Variants in KCND2 observed in about 807,000 individuals in gnomAD.
The protein encoded by KCND2 is A-type voltage-gated potassium channel KCND2.
KCND2 carries 16 observed loss-of-function variants against 54.4 expected under a neutral mutation model. That is an observed-to-expected ratio of 0.29 (90% CI 0.20 to 0.45). The LOEUF (loss-of-function observed/expected upper bound fraction) is 0.45. Among genes scored for constraint, KCND2 ranks in the 20% least tolerant of loss-of-function variants. KCND2 has a pLI of 1.00. For missense variants in KCND2, 486 were observed against 824.2 expected, an observed-to-expected ratio of 0.59 and a Z score of 5.02; for synonymous variants, 317 against 310.7, an observed-to-expected ratio of 1.02 and a Z score of -0.21.
At chr7:120,630,202 A>G (rs1793216129) in intron 1 of KCND2, among the ~76,000 whole-genome samples, 1 of 152,204 alleles carries the variant, frequency 6.6e-6, no homozygotes, top group Admixed American at 6.5e-5. Flanking sequence ...TGCACCAGAC[A>G]CAAACAGTAG....
At chr7:120,584,724 C>G (rs1249391970) in intron 1 of KCND2, among the ~76,000 whole-genome samples, 1 of 152,250 alleles carries the variant, frequency 6.6e-6, no homozygotes, top group Non-Finnish European at 1.5e-5. Context: ...TGACATTCTG[C>G]AGACTGTGCA....
intron 1 of KCND2, among the ~76,000 whole-genome samples, chr7:120,459,947 A>G (rs1323529150): frequency 2.0e-5 from 3 of 152,336 alleles, no homozygotes; most frequent in Middle Eastern, 3.4e-3. Flanking sequence ...GAAAGCTGAG[A>G]GTGCATCTTG....
chr7:120,366,800 A>T, intron 1 of KCND2, among the ~76,000 whole-genome samples: 1 of 152,120 alleles, frequency 6.6e-6, no homozygotes, highest in East Asian at 1.9e-4. Context: ...TTATTTCTAA[A>T]ATCCGAATCT....
intron 1 of KCND2, among the ~76,000 whole-genome samples, chr7:120,352,045 C>T (rs1284500104): frequency 1.3e-5 from 2 of 152,096 alleles, no homozygotes; most frequent in Non-Finnish European, 2.9e-5. Flanking sequence ...CTCTTGACCT[C>T]GTGCTCCTCA....
chr7:120,420,381 T>G (rs1325072298), intron 1 of KCND2, among the ~76,000 whole-genome samples: 1 of 152,164 alleles, frequency 6.6e-6, no homozygotes, highest in Non-Finnish European at 1.5e-5. Context: ...GAGCAGTGCC[T>G]GGTAGGGTGG....
At chr7:120,603,238 A>C (rs899057345) in intron 1 of KCND2, among the ~76,000 whole-genome samples, 14 of 152,230 alleles carry the variant, frequency 9.2e-5, no homozygotes, top group African/African-American at 3.1e-4. Flanking sequence ...TATAGTAGTA[A>C]TAAATGTGGA....
chr7:120,460,459 A>C (rs146953013), intron 1 of KCND2, among the ~76,000 whole-genome samples: 18 of 151,938 alleles, frequency 1.2e-4, no homozygotes, highest in African/African-American at 4.1e-4. Context: ...CTCTTCAAGC[A>C]TCAGGTCTTC....
rs180803846 is a variant in KCND2, at chr7:120,561,518, T to C, written c.1116-171385T>C. ...AACAGATTCAGAAAGGTTGAAAAAC[T>C]TGCCCAAAGTTACAAGGCTGGGCTA... On this transcript the variant is annotated intron_variant, in intron 1 of 5. Transcript: ENST00000331113. Among the ~76,000 whole-genome samples, 240 of 151,224 alleles carry C rather than the reference T, an allele frequency of 1.6e-3. 1 individual carries two copies. The highest frequency in any genetic ancestry group is 3.7e-3 in the Admixed American group (56 of 15,158).
At chr7:120,672,319 A>C (rs1792002416) in intron 1 of KCND2, among the ~76,000 whole-genome samples, 2 of 151,898 alleles carry the variant, frequency 1.3e-5, no homozygotes, top group South Asian at 4.2e-4. Flanking sequence ...CTAAAATTCT[A>C]CTCCAAAAAC....
intron 1 of KCND2, among the ~76,000 whole-genome samples, chr7:120,662,720 T>C (rs1006431329): frequency 1.3e-4 from 20 of 152,206 alleles, no homozygotes; most frequent in Non-Finnish European, 2.6e-4. Context: ...AAAATGTGGC[T>C]TAGGCACCAA....
chr7:120,382,235 A>G (rs1800926002), intron 1 of KCND2, among the ~76,000 whole-genome samples: 1 of 151,850 alleles, frequency 6.6e-6, no homozygotes, highest in Non-Finnish European at 1.5e-5. Flanking sequence ...CTCATTGTCT[A>G]AAGTTTGAAT....
intron 1 of KCND2, among the ~76,000 whole-genome samples, chr7:120,720,302 T>C (rs1487999523): frequency 6.6e-6 from 1 of 152,130 alleles, no homozygotes; most frequent in African/African-American, 2.4e-5. Flanking sequence ...AATGCAATTT[T>C]CTGCTTTTAA....
At chr7:120,341,354 C>CTG (rs1275511239) in intron 1 of KCND2, among the ~76,000 whole-genome samples, 1 of 152,098 alleles carries the variant, frequency 6.6e-6, no homozygotes, top group Non-Finnish European at 1.5e-5. Flanking sequence ...TCATTAAGAC[C>CTG]TGTGTGTTTC....
At chr7:120,430,144 C>G (rs1027257196) in intron 1 of KCND2, among the ~76,000 whole-genome samples, 1 of 152,104 alleles carries the variant, frequency 6.6e-6, no homozygotes, top group African/African-American at 2.4e-5. Context: ...GTTCTGAAGG[C>G]TAGAGATTTG....
chr7:120,673,020 CTT>C (rs1315000686), intron 1 of KCND2: 1 of 151,952 alleles, frequency 6.6e-6, no homozygotes, highest in African/African-American at 2.4e-5. Context: ...AAGTTTGAAA[CTT>C]CTTGAAATCT....
chr7:120,528,931 A>AT (rs1791810094), intron 1 of KCND2, among the ~76,000 whole-genome samples: 1 of 152,142 alleles, frequency 6.6e-6, no homozygotes. Context: ...TCCTACAGTT[A>AT]TTTTTTCTAC....
intron 1 of KCND2, among the ~76,000 whole-genome samples, chr7:120,538,243 C>A (rs1791935461): frequency 6.6e-6 from 1 of 152,142 alleles, no homozygotes; most frequent in Non-Finnish European, 1.5e-5. Context: ...AGAATATACA[C>A]ATTTATTAAG....
chr7:120,439,671 C>G (rs911669957), intron 1 of KCND2, among the ~76,000 whole-genome samples: 2 of 152,044 alleles, frequency 1.3e-5, no homozygotes, highest in Non-Finnish European at 2.9e-5. Context: ...TCTCCCATAT[C>G]CTTCAGGGTC....
At chr7:120,677,024 A>T (rs140047736) in intron 1 of KCND2, among the ~76,000 whole-genome samples, 2 of 152,194 alleles carry the variant, frequency 1.3e-5, no homozygotes, top group Non-Finnish European at 2.9e-5. Context: ...TCCAATGGGT[A>T]ATACCCACGA....
Sources: gnomAD v4.1 joint callset for allele counts (sites outside exome capture counted in the v4.1 genomes callset) on GRCh38, gnomAD v4.1.1 for gene constraint, MANE v1.5 for transcripts, NCBI Gene and HGNC (gene_info 2026-07-23, HGNC 2026-07-21) for gene names.